TRMT11: variants seen among roughly 807,000 people sequenced by gnomAD.
The protein encoded by TRMT11 is tRNA (guanine(10)-N(2))-methyltransferase TRMT11.
Under a neutral mutation model 62.8 loss-of-function variants are expected in TRMT11, and 53 were observed. The ratio of observed to expected loss-of-function variants is 0.84; its 90% CI spans 0.68 to 1.06. TRMT11 has a LOEUF of 1.06. TRMT11 is among the 50% of genes least tolerant of loss of function. The probability of loss-of-function intolerance (pLI) is 0.00; values close to 1 mark genes in which losing one functional copy is unlikely to be tolerated. For synonymous variants in TRMT11, 188 were observed against 190.3 expected (o/e 0.99, Z 0.10); for missense variants, 556 against 553.4 (o/e 1.00, Z -0.05).
At chr6:126,151,905 C>CTTTCTTTT (rs377099601) in intron 21 of TRMT11, among the ~76,000 whole-genome samples, 1 of 80,362 alleles carries the variant, frequency 1.2e-5, no homozygotes, top group African/African-American at 5.2e-5. Context: ...TCTTTCTTTT[C>CTTTCTTTT]TCTTTCTTTC....
chr6:126,210,086 G>C, the TRMT11 span, among the ~76,000 whole-genome samples: 1 of 152,218 alleles, frequency 6.6e-6, no homozygotes, highest in Non-Finnish European at 1.5e-5. Flanking sequence ...GAGTAGCAAA[G>C]ATGGAAGGAT....
At chr6:126,136,907 T>C (rs1483010022) in intron 21 of TRMT11, among the ~76,000 whole-genome samples, 2 of 150,142 alleles carry the variant, frequency 1.3e-5, no homozygotes, top group Admixed American at 6.7e-5. Context: ...CTTTAATAAA[T>C]GATGCTGGGA....
chr6:126,258,222 C>T, the TRMT11 span: 3 of 653,850 alleles, frequency 4.6e-6, no homozygotes, highest in Non-Finnish European at 8.8e-6. Context: ...CTCACTGGGC[C>T]CTTATCGTCT....
In TRMT11 at chr6:126,183,492, A is replaced by G. The variant is rs374983011; in HGVS notation, n.143+6157A>G. ...GTCCCCAAAGTGTGCAGCTATCTGA[A>G]CAGTTGGAGTAAAGGATTTCAGATA... On this transcript the variant is annotated intron_variant and non_coding_transcript_variant, in intron 1 of 3. Coordinates refer to the TRMT11 transcript ENST00000444229. 2.6e-5 allele frequency among the ~76,000 whole-genome samples: 4 copies of G among 152,292 alleles called. No individual in the cohort carries two copies. In the South Asian group the frequency reaches 6.2e-4, roughly 24 times the overall value.
At chr6:126,236,404 A>G in the TRMT11 span, among the ~76,000 whole-genome samples, 6 of 152,192 alleles carry the variant, frequency 3.9e-5, no homozygotes, top group Non-Finnish European at 8.8e-5. Flanking sequence ...TCCTTTATGA[A>G]GTAAGAAATC....
At chr6:126,225,768 G>T in the TRMT11 span, among the ~76,000 whole-genome samples, 1 of 134,498 alleles carries the variant, frequency 7.4e-6, no homozygotes, top group African/African-American at 3.0e-5. Context: ...TCGGCTCATT[G>T]CACCCTCTAC....
At chr6:126,166,062 G>A (rs768895251) in intron 21 of TRMT11, among the ~76,000 whole-genome samples, 1 of 151,446 alleles carries the variant, frequency 6.6e-6, no homozygotes, top group Non-Finnish European at 1.5e-5. Context: ...CCTTTCTTCC[G>A]CTTGATCGAT....
intron 17 of TRMT11, among the ~76,000 whole-genome samples, chr6:126,076,552 A>G (rs1774023103): frequency 6.6e-6 from 1 of 152,194 alleles, no homozygotes; most frequent in African/African-American, 2.4e-5. Context: ...GATTTCTGCA[A>G]CTTGCAAATA....
At chr6:126,165,601 A>G (rs1171931562) in intron 21 of TRMT11, among the ~76,000 whole-genome samples, 3 of 152,198 alleles carry the variant, frequency 2.0e-5, no homozygotes, top group Non-Finnish European at 4.4e-5. Context: ...AGAATGTTGA[A>G]TATTGGTCCC....
At chr6:126,107,527 G>A (rs538361512) in intron 17 of TRMT11, among the ~76,000 whole-genome samples, 14 of 152,250 alleles carry the variant, frequency 9.2e-5, no homozygotes, top group South Asian at 2.1e-4. Flanking sequence ...CAGCCCTTGC[G>A]AGTAAAATAT....
At chr6:125,989,438 A>G (rs965760624) in intron 1 of TRMT11, among the ~76,000 whole-genome samples, 1 of 152,042 alleles carries the variant, frequency 6.6e-6, no homozygotes, top group Admixed American at 6.5e-5. Flanking sequence ...TTTAGATATA[A>G]TGGGTAGCCA....
chr6:126,218,511 TATC>T, the TRMT11 span, among the ~76,000 whole-genome samples: 1 of 152,204 alleles, frequency 6.6e-6, no homozygotes, highest in South Asian at 2.1e-4. Context: ...TAGCTAGAAA[TATC>T]ATCCATGAGC....
At chr6:126,258,176 T>C in the TRMT11 span, 1 of 716,212 alleles carries the variant, frequency 1.4e-6, no homozygotes, top group East Asian at 3.0e-5. Context: ...TTGTAGCTCC[T>C]TGTGGTAATA....
At chr6:126,272,254 T>A in the TRMT11 span, among the ~76,000 whole-genome samples, 24 of 152,326 alleles carry the variant, frequency 1.6e-4, no homozygotes, top group African/African-American at 4.6e-4. Context: ...AGTGACCTTT[T>A]CAGAATATGT....
intron 17 of TRMT11, among the ~76,000 whole-genome samples, chr6:126,111,525 C>T (rs1364959627): frequency 6.6e-6 from 1 of 152,118 alleles, no homozygotes; most frequent in Non-Finnish European, 1.5e-5. Context: ...CATGGTTACT[C>T]ACTTTCCCAG....
At chr6:126,170,350 A>T (rs760345582) in intron 21 of TRMT11, among the ~76,000 whole-genome samples, 4 of 152,282 alleles carry the variant, frequency 2.6e-5, no homozygotes, top group Non-Finnish European at 5.9e-5. Context: ...ACTTTACACT[A>T]TGAGTTTTTT....
At chr6:126,188,290 A>C (rs1046262365) in intron 1 of TRMT11, among the ~76,000 whole-genome samples, 1 of 152,058 alleles carries the variant, frequency 6.6e-6, no homozygotes, top group African/African-American at 2.4e-5. Flanking sequence ...AATTGACAAT[A>C]AAAATCAAAT....
chr6:126,093,962 T>C (rs1435709272), intron 17 of TRMT11, among the ~76,000 whole-genome samples: 2 of 152,102 alleles, frequency 1.3e-5, no homozygotes, highest in African/African-American at 4.8e-5. Flanking sequence ...CACAGTATAA[T>C]GTGAGTGGCA....
At chr6:126,138,076 T>G (rs1366486885) in intron 21 of TRMT11, among the ~76,000 whole-genome samples, 1 of 151,908 alleles carries the variant, frequency 6.6e-6, no homozygotes, top group Admixed American at 6.6e-5. Context: ...TAACAATAAT[T>G]TATTGTATAT....
Sources: gnomAD v4.1 joint callset for allele counts (sites outside exome capture counted in the v4.1 genomes callset) on GRCh38, gnomAD v4.1.1 for gene constraint, MANE v1.5 for transcripts, NCBI Gene and HGNC (gene_info 2026-07-23, HGNC 2026-07-21) for gene names.